Variants in ACBD3 observed in about 807,000 individuals in gnomAD.
ACBD3 encodes the protein acyl-CoA binding domain containing 3.
ACBD3 carries 30 observed loss-of-function variants against 66.9 expected under a neutral mutation model. That is an observed-to-expected ratio of 0.45 (90% CI 0.34 to 0.61). The LOEUF (loss-of-function observed/expected upper bound fraction) is 0.61, where lower values mean the gene tolerates loss of function less well. Among genes scored for constraint, ACBD3 ranks in the 20% least tolerant of loss-of-function variants. The pLI is 0.02. For synonymous variants in ACBD3, 278 were observed against 259.8 expected, an observed-to-expected ratio of 1.07 and a Z score of -0.68; for missense variants, 544 against 664.5, an observed-to-expected ratio of 0.82 and a Z score of 1.99.
intron 1 of ACBD3, among the ~76,000 whole-genome samples, chr1:226,178,038 C>T (rs977334882): frequency 6.6e-6 from 1 of 152,106 alleles, no homozygotes; most frequent in African/African-American, 2.4e-5. Flanking sequence ...TGAGCCACTA[C>T]ACCCAGCCCA....
At chr1:226,181,845 A>G (rs1391849490) in intron 1 of ACBD3, among the ~76,000 whole-genome samples, 3 of 152,206 alleles carry the variant, frequency 2.0e-5, no homozygotes, top group African/African-American at 4.8e-5. Context: ...TCCAAGAAGT[A>G]TAAAGGTCAT....
chr1:226,182,278 A>C (rs990873430), intron 1 of ACBD3, among the ~76,000 whole-genome samples: 1 of 151,864 alleles, frequency 6.6e-6, no homozygotes, highest in African/African-American at 2.4e-5. Context: ...AAAAACCTCC[A>C]GTGGTTCCTC....
intron 4 of ACBD3, among the ~76,000 whole-genome samples, chr1:226,160,346 G>A (rs998166143): frequency 1.3e-5 from 2 of 151,582 alleles, no homozygotes; most frequent in African/African-American, 2.4e-5. Flanking sequence ...CGCCCGCCTC[G>A]GCCTCCCAAA....
At chr1:226,149,529 C>CTTTT (rs1170130229) in intron 7 of ACBD3, among the ~76,000 whole-genome samples, 332 of 29,604 alleles carry the variant, frequency 0.011, 99 homozygotes, top group African/African-American at 0.019. Flanking sequence ...GCCCAGCCAT[C>CTTTT]TTTTTTTTTT....
chr1:226,150,476 T>C (rs1355219150), intron 7 of ACBD3, among the ~76,000 whole-genome samples: 1 of 152,160 alleles, frequency 6.6e-6, no homozygotes, highest in African/African-American at 2.4e-5. Flanking sequence ...CCTCCCAGGT[T>C]CAAGTGATTC....
At chr1:226,149,558 T>TTTTTG (rs1659525715) in intron 7 of ACBD3, among the ~76,000 whole-genome samples, 3 of 134,304 alleles carry the variant, frequency 2.2e-5, no homozygotes, top group African/African-American at 6.1e-5. Context: ...TTTTTTTTTT[T>TTTTTG]GAGATGGGGT....
At chr1:226,151,297 T>TGCA (rs1370539130) in intron 7 of ACBD3, among the ~76,000 whole-genome samples, 5 of 152,256 alleles carry the variant, frequency 3.3e-5, no homozygotes, top group African/African-American at 1.2e-4. Context: ...TGCTTTTCCA[T>TGCA]TCTCACAGGG....
chr1:226,180,068 G>C (rs939486045), intron 1 of ACBD3, among the ~76,000 whole-genome samples: 6 of 151,638 alleles, frequency 4.0e-5, no homozygotes, highest in Admixed American at 6.6e-5. Context: ...CTACTCGGGA[G>C]GCTGAGGCAA....
At chr1:226,177,456 A>G (rs780126993) in intron 1 of ACBD3, among the ~76,000 whole-genome samples, 4 of 150,972 alleles carry the variant, frequency 2.6e-5, no homozygotes, top group Non-Finnish European at 4.4e-5. Flanking sequence ...TCAGCCTCCC[A>G]GAGTGCTGGG....
intron 1 of ACBD3, among the ~76,000 whole-genome samples, chr1:226,182,780 C>A (rs1034984232): frequency 6.6e-6 from 1 of 152,172 alleles, no homozygotes; most frequent in East Asian, 1.9e-4. Flanking sequence ...GGAATGGCAT[C>A]TGCTCCCTCA....
intron 3 of ACBD3, 46 bp downstream of exon 3, chr1:226,164,743 C>A: frequency 6.3e-7 from 1 of 1,575,796 alleles, no homozygotes; most frequent in Admixed American, 1.8e-5. Flanking sequence ...AGCATCAGTA[C>A]ACTGGGCTGC....
intron 1 of ACBD3, among the ~76,000 whole-genome samples, chr1:226,171,872 G>A (rs1006671084): frequency 2.0e-5 from 3 of 151,650 alleles, no homozygotes; most frequent in Non-Finnish European, 4.4e-5. Flanking sequence ...AGAAGAATAT[G>A]TGGCCACACA....
chr1:226,165,826 C>T lies in ACBD3; in HGVS notation c.428+33G>A, dbSNP rs1029494871. On this transcript the variant is annotated intron_variant, in intron 2 of 7. Transcript: ENST00000366812. ...TTGTACCCTTTGCCAACATTATCCT[C>T]ATTAAATTCACTATACAGAAAAACA... 4.4e-6 allele frequency: 7 copies of T among 1,591,056 alleles called. No individual in the cohort carries two copies. In the African/African-American group the frequency reaches 9.5e-5, roughly 22 times the overall value.
At chr1:226,174,099 A>G (rs891511336) in intron 1 of ACBD3, among the ~76,000 whole-genome samples, 15 of 152,076 alleles carry the variant, frequency 9.9e-5, no homozygotes, top group African/African-American at 3.6e-4. Context: ...CTGGTACCAT[A>G]AACGTTAAAT....
At chr1:226,172,720 G>A (rs1655867183) in intron 1 of ACBD3, among the ~76,000 whole-genome samples, 1 of 152,114 alleles carries the variant, frequency 6.6e-6, no homozygotes, top group South Asian at 2.1e-4. Flanking sequence ...TGAAGGGGGA[G>A]GATCACTTGA....
intron 1 of ACBD3, among the ~76,000 whole-genome samples, chr1:226,178,366 C>T (rs954266281): frequency 5.9e-5 from 9 of 151,362 alleles, no homozygotes; most frequent in African/African-American, 1.7e-4. Flanking sequence ...GTCAGGAGTT[C>T]GAGACCATCC....
chr1:226,146,313 T>C lies in ACBD3; in HGVS notation c.*297A>G, dbSNP rs762811028. The C allele has an allele frequency of 6.9e-6, 2 of 288,598 alleles. No homozygotes were observed. Among genetic ancestry groups the C allele is most frequent in the Non-Finnish European group, 1.3e-5 (2 of 152,502 alleles). The allele number at this position is 288,598 out of a possible 1,614,324, so 17.9% of individuals were successfully genotyped here. ...CCGGGTAAGGTCAACGTTGGGGTGT[T>C]TTATTTTGGAGACTTTAAATATTTA... On this transcript the variant is annotated 3_prime_UTR_variant, in exon 8 of 8. Coordinates refer to ENST00000366812, the MANE Select transcript of ACBD3 (RefSeq NM_022735.4).
At position 226,146,553 on chromosome 1, in the gene ACBD3, C is replaced by T; in HGVS notation, c.*57G>A. The T allele has an allele frequency of 1.4e-6, 2 of 1,470,592 alleles. No homozygotes were observed. The highest frequency in any genetic ancestry group is 1.9e-6 in the Non-Finnish European group (2 of 1,060,504). The allele number at this position is 1,470,592 out of a possible 1,614,324, so 91.1% of individuals were successfully genotyped here. ...GCTCCACAAAAGTAAAAAGAAATTT[C>T]CAAATTAAATGTCATCTTCTGCCCA... On this transcript the variant is annotated 3_prime_UTR_variant, in exon 8 of 8. Transcript: ENST00000366812.
At chr1:226,183,968 G>C (rs1451739557) in intron 1 of ACBD3, among the ~76,000 whole-genome samples, 1 of 151,066 alleles carries the variant, frequency 6.6e-6, no homozygotes, top group Non-Finnish European at 1.5e-5. Context: ...GACGCAGGAG[G>C]ATCACGAGGT....
Sources: gnomAD v4.1 joint callset for allele counts (sites outside exome capture counted in the v4.1 genomes callset) on GRCh38, gnomAD v4.1.1 for gene constraint, MANE v1.5 for transcripts, NCBI Gene and HGNC (gene_info 2026-07-23, HGNC 2026-07-21) for gene names.